Variants in CNTNAP5 observed in about 807,000 individuals in gnomAD.
CNTNAP5 encodes contactin-associated protein-like 5.
In CNTNAP5, 72 loss-of-function variants were observed where a neutral mutation model predicts 150.2. The observed-to-expected ratio is 0.48, with a 90% CI of 0.40 to 0.58. The LOEUF (loss-of-function observed/expected upper bound fraction) is 0.58, where lower values mean the gene tolerates loss of function less well. CNTNAP5 is among the 20% of genes least tolerant of loss of function. The probability of loss-of-function intolerance (pLI) is 0.00; values close to 1 mark genes in which losing one functional copy is unlikely to be tolerated. For synonymous variants in CNTNAP5, 672 were observed against 619.8 expected, an observed-to-expected ratio of 1.08 and a Z score of -1.25; for missense variants, 1,636 against 1,626.2, an observed-to-expected ratio of 1.01 and a Z score of -0.10.
intron 17 of CNTNAP5, among the ~76,000 whole-genome samples, chr2:124,774,994 G>T (rs1445015303): frequency 6.6e-6 from 1 of 152,146 alleles, no homozygotes; most frequent in East Asian, 1.9e-4. Flanking sequence ...TGCTGGAGCT[G>T]GAGCCAAGGT....
At chr2:124,875,849 A>G (rs1677850651) in intron 21 of CNTNAP5, among the ~76,000 whole-genome samples, 1 of 151,974 alleles carries the variant, frequency 6.6e-6, no homozygotes, top group South Asian at 2.1e-4. Flanking sequence ...CTCATTATCA[A>G]TTAGCACTGT....
chr2:124,737,383 C>T (rs1252269276), intron 13 of CNTNAP5, among the ~76,000 whole-genome samples: 1 of 151,996 alleles, frequency 6.6e-6, no homozygotes, highest in Non-Finnish European at 1.5e-5. Flanking sequence ...TTTCAGGACC[C>T]AGTGAAAGAC....
intron 1 of CNTNAP5, among the ~76,000 whole-genome samples, chr2:124,134,241 T>C (rs1042889136): frequency 6.6e-6 from 1 of 151,998 alleles, no homozygotes; most frequent in Non-Finnish European, 1.5e-5. Flanking sequence ...CCTACCCTCA[T>C]TTTCTTCCTG....
At chr2:124,287,473 G>T (rs1370175414) in intron 3 of CNTNAP5, among the ~76,000 whole-genome samples, 1 of 152,182 alleles carries the variant, frequency 6.6e-6, no homozygotes, top group Non-Finnish European at 1.5e-5. Flanking sequence ...TTATACTGAT[G>T]ATGACTGCCT....
intron 16 of CNTNAP5, among the ~76,000 whole-genome samples, chr2:124,765,555 T>G (rs535284425): frequency 6.6e-6 from 1 of 152,270 alleles, no homozygotes; most frequent in Admixed American, 6.5e-5. Flanking sequence ...AATATAATAT[T>G]TATTAAGTGG....
chr2:124,843,019 A>G (rs746290727), intron 19 of CNTNAP5, among the ~76,000 whole-genome samples: 3 of 152,044 alleles, frequency 2.0e-5, no homozygotes, highest in Non-Finnish European at 4.4e-5. Flanking sequence ...AGCATTGTAC[A>G]TGGTACCCAA....
chr2:124,337,703 T>C (rs1429602129), intron 3 of CNTNAP5, among the ~76,000 whole-genome samples: 1 of 152,188 alleles, frequency 6.6e-6, no homozygotes, highest in East Asian at 1.9e-4. Flanking sequence ...GCATTATTTC[T>C]GAGGGTTCTG....
intron 11 of CNTNAP5, among the ~76,000 whole-genome samples, chr2:124,604,845 T>C (rs1201072072): frequency 6.6e-6 from 1 of 152,150 alleles, no homozygotes; most frequent in African/African-American, 2.4e-5. Flanking sequence ...CCCCAAGATC[T>C]CAATGACTTA....
At chr2:124,776,290 T>C (rs906083162) in intron 17 of CNTNAP5, among the ~76,000 whole-genome samples, 3 of 152,084 alleles carry the variant, frequency 2.0e-5, no homozygotes, top group African/African-American at 7.3e-5. Flanking sequence ...GCCTATTTTT[T>C]TTTTCTTGGC....
chr2:124,845,067 G>T (rs760228253), intron 19 of CNTNAP5, among the ~76,000 whole-genome samples: 1 of 151,972 alleles, frequency 6.6e-6, no homozygotes, highest in African/African-American at 2.4e-5. Flanking sequence ...GTTCTCAGGG[G>T]GAATACTTTC....
Position 124,246,405 on chromosome 2 carries a change from A to C in CNTNAP5, c.381+4012A>C, listed in dbSNP as rs1374191378. 2.0e-5 allele frequency among the ~76,000 whole-genome samples: 3 copies of C among 152,150 alleles called. No individual in the cohort carries two copies. In the South Asian group the frequency reaches 6.2e-4, roughly 31 times the overall value. The stretch of plus-strand genomic sequence containing the variant: ...CAAGCCAGAGTCCCTCGCTTCACTA[A>C]ATAATCAGGCATGAAGGTGTGTCAG... On this transcript the variant is annotated intron_variant, in intron 3 of 23. Transcript: ENST00000682447.
intron 8 of CNTNAP5, among the ~76,000 whole-genome samples, chr2:124,517,159 T>C (rs1302306371): frequency 1.3e-5 from 2 of 152,006 alleles, no homozygotes; most frequent in African/African-American, 2.4e-5. Flanking sequence ...TGGAGCATTG[T>C]GGTATTGGTG....
At chr2:124,784,976 T>C (rs573945853) in intron 17 of CNTNAP5, among the ~76,000 whole-genome samples, 1 of 140,144 alleles carries the variant, frequency 7.1e-6, no homozygotes, top group Non-Finnish European at 1.5e-5. Flanking sequence ...CTAGTATCTT[T>C]AAATATTGTT....
chr2:124,839,156 C>A (rs1301214599), intron 19 of CNTNAP5, among the ~76,000 whole-genome samples: 2 of 151,980 alleles, frequency 1.3e-5, no homozygotes, highest in Non-Finnish European at 2.9e-5. Flanking sequence ...GTGCTCCTTC[C>A]AGTAGAGTGT....
At chr2:124,627,223 C>A (rs6751634) in intron 12 of CNTNAP5, among the ~76,000 whole-genome samples, 1 of 152,016 alleles carries the variant, frequency 6.6e-6, no homozygotes, top group African/African-American at 2.4e-5. Flanking sequence ...CACCAGCTCC[C>A]CTAAGGGGCA....
At chr2:124,064,520 G>T (rs1558742706) in intron 1 of CNTNAP5, among the ~76,000 whole-genome samples, 1 of 152,012 alleles carries the variant, frequency 6.6e-6, no homozygotes, top group Non-Finnish European at 1.5e-5. Flanking sequence ...CACTATTGTG[G>T]ATTTCTAACT....
At chr2:124,898,807 T>C (rs1678359060) in intron 21 of CNTNAP5, among the ~76,000 whole-genome samples, 2 of 151,398 alleles carry the variant, frequency 1.3e-5, no homozygotes. Flanking sequence ...AACTGATGAA[T>C]AGTAGGAGGA....
rs781165462 is a variant in CNTNAP5, at chr2:124,772,893, C to T, written c.2628C>T (p.His876=). ...SPSLLNDNQW[H]YVRAERNLKE... The stretch of plus-strand genomic sequence containing the variant: ...CTCTTCTGAATGACAACCAATGGCA[C>T]TATGTCCGGGCTGAGAGGAACCTCA... The change falls in exon 17 of 24, where the codon CAC becomes CAT. Residue 876 remains histidine, a synonymous_variant. Coordinates refer to ENST00000682447, the MANE Select transcript of CNTNAP5 (RefSeq NM_001367498.1). 2 of 1,613,612 alleles carry T rather than the reference C, an allele frequency of 1.2e-6. No individual in the cohort carries two copies. The highest frequency in any genetic ancestry group is 4.5e-5 in the East Asian group (2 of 44,806).
intron 13 of CNTNAP5, among the ~76,000 whole-genome samples, chr2:124,706,603 G>T (rs567355912): frequency 2.6e-5 from 4 of 151,476 alleles, no homozygotes; most frequent in African/African-American, 9.7e-5. Flanking sequence ...AAAAATTAGC[G>T]GCTCATGGTG....
Sources: allele counts gnomAD v4.1 joint callset (sites outside exome capture counted in the v4.1 genomes callset), GRCh38; gene constraint gnomAD v4.1.1; transcripts MANE v1.5; gene names NCBI Gene and HGNC (gene_info 2026-07-23, HGNC 2026-07-21).